The following MRTFB variants were observed in gnomAD, a reference collection of about 807,000 sequenced individuals.
MRTFB encodes myocardin-related transcription factor B.
Under a neutral mutation model 104.2 loss-of-function variants are expected in MRTFB, and 29 were observed. That is an observed-to-expected ratio of 0.28 (90% CI 0.21 to 0.38). The LOEUF is 0.38. Ranked by LOEUF, MRTFB falls within the 10% of genes least tolerant of loss-of-function variation. MRTFB has a pLI of 1.00. For synonymous variants in MRTFB, 535 were observed against 519.5 expected (o/e 1.03, Z -0.41); for missense variants, 1,270 against 1,341.6 (o/e 0.95, Z 0.83).
the MRTFB span, among the ~76,000 whole-genome samples, chr16:14,014,610 T>A: frequency 6.6e-6 from 1 of 151,680 alleles, no homozygotes. Flanking sequence ...TCTCAGCACT[T>A]TGGGAGGCCA....
At chr16:14,260,787 T>C (rs2043741636) in intron 16 of MRTFB, 122 bp from the exon 17 acceptor site, 2 of 795,268 alleles carry the variant, frequency 2.5e-6, no homozygotes, top group Admixed American at 2.8e-5. Context: ...CTCTTCCTAC[T>C]TCTAAGACGG....
At chr16:14,182,439 G>A (rs1373663619) in intron 3 of MRTFB, among the ~76,000 whole-genome samples, 1 of 152,184 alleles carries the variant, frequency 6.6e-6, no homozygotes, top group African/African-American at 2.4e-5. Flanking sequence ...AATGGAATTG[G>A]AGGCATTGGG....
intron 9 of MRTFB, among the ~76,000 whole-genome samples, chr16:14,238,144 G>A (rs2042603848): frequency 1.3e-5 from 2 of 152,164 alleles, no homozygotes; most frequent in South Asian, 4.1e-4. Flanking sequence ...GGGGGACGAG[G>A]TGGGTGGGTG....
chr16:14,166,952 A>G (rs1171924604), intron 3 of MRTFB, among the ~76,000 whole-genome samples: 1 of 152,132 alleles, frequency 6.6e-6, no homozygotes, highest in Non-Finnish European at 1.5e-5. Flanking sequence ...GCTATTGTGA[A>G]TAGTGCTGCA....
chr16:14,127,659 A>AT lies in MRTFB; in HGVS notation c.-63-12885_-63-12884insT, dbSNP rs1373592233. ...CTCTGTCTCAAAAAAAAAAAAAAAA[A>AT]ATAATGACGAAAATCCCCTCTAGCC... On this transcript the variant is annotated intron_variant, in intron 2 of 16. Coordinates refer to ENST00000571589, the MANE Select transcript of MRTFB (RefSeq NM_001308142.2). Among the ~76,000 whole-genome samples, 912 of 149,346 alleles carry AT rather than the reference A, an allele frequency of 6.1e-3. 12 individuals are homozygous for AT. Among genetic ancestry groups the AT allele is most frequent in the African/African-American group, 0.021 (846 of 40,448 alleles).
intron 2 of MRTFB, among the ~76,000 whole-genome samples, chr16:14,091,290 C>T (rs775321146): frequency 6.6e-5 from 10 of 152,134 alleles, no homozygotes; most frequent in African/African-American, 9.7e-5. Context: ...AGAAACCTCA[C>T]TCAAACTATC....
At chr16:14,226,513 C>T (rs2042009571) in intron 8 of MRTFB, among the ~76,000 whole-genome samples, 1 of 152,144 alleles carries the variant, frequency 6.6e-6, no homozygotes, top group Non-Finnish European at 1.5e-5. Flanking sequence ...CTTTACCTAA[C>T]ATCGTAGGCA....
intron 10 of MRTFB, among the ~76,000 whole-genome samples, chr16:14,241,922 G>A (rs1354168332): frequency 6.6e-6 from 1 of 150,902 alleles, no homozygotes; most frequent in Non-Finnish European, 1.5e-5. Flanking sequence ...CCAGGCCTTA[G>A]GGAGGCCTCC....
chr16:13,996,236 C>G, the MRTFB span, among the ~76,000 whole-genome samples: 1 of 151,846 alleles, frequency 6.6e-6, no homozygotes, highest in East Asian at 1.9e-4. Flanking sequence ...CGTGCCGTTG[C>G]ACTCCAGCCT....
At chr16:14,149,951 G>A (rs9932473) in intron 3 of MRTFB, among the ~76,000 whole-genome samples, 35,513 of 152,116 alleles carry the variant, frequency 0.23, 7,894 homozygotes, top group African/African-American at 0.57. Context: ...ATAATCTTAC[G>A]TATTCCTTCT....
intron 1 of MRTFB, among the ~76,000 whole-genome samples, chr16:14,075,673 A>G (rs906053450): frequency 1.3e-5 from 2 of 152,170 alleles, no homozygotes; most frequent in African/African-American, 4.8e-5. Context: ...TTCTCTTCTC[A>G]CCTTTTTCTG....
intron 1 of MRTFB, among the ~76,000 whole-genome samples, chr16:14,075,358 A>G (rs1374056597): frequency 6.6e-6 from 1 of 152,238 alleles, no homozygotes; most frequent in Non-Finnish European, 1.5e-5. Flanking sequence ...CGTCAGCAGC[A>G]TCCTGGAGCT....
At chr16:14,107,827 A>G (rs548635052) in intron 2 of MRTFB, among the ~76,000 whole-genome samples, 1 of 152,352 alleles carries the variant, frequency 6.6e-6, no homozygotes, top group South Asian at 2.1e-4. Context: ...AGTGTGAGGT[A>G]CACCAAGGAA....
At chr16:14,158,343 C>G (rs1432375111) in intron 3 of MRTFB, among the ~76,000 whole-genome samples, 1 of 152,126 alleles carries the variant, frequency 6.6e-6, no homozygotes, top group African/African-American at 2.4e-5. Context: ...TTAAATTCTG[C>G]CAGTAGTGAG....
At chr16:14,200,288 G>C in intron 3 of MRTFB, 1 of 1,584,462 alleles carries the variant, frequency 6.3e-7, no homozygotes, top group Admixed American at 1.7e-5. Context: ...TAGATTCTGA[G>C]TTCCGACCCG....
chr16:14,017,605 ATATATATATATAT>A, the MRTFB span, among the ~76,000 whole-genome samples: 1 of 3,508 alleles, frequency 2.9e-4, no homozygotes, highest in Non-Finnish European at 1.0e-3. Context: ...ATATATATAT[ATATATATATATAT>A]ATATATATAT....
the MRTFB span, among the ~76,000 whole-genome samples, chr16:14,000,766 C>A: frequency 6.6e-6 from 1 of 152,230 alleles, no homozygotes; most frequent in African/African-American, 2.4e-5. Flanking sequence ...CCCTTCCCAT[C>A]ACACAGTGTC....
the MRTFB span, among the ~76,000 whole-genome samples, chr16:14,023,877 C>A: frequency 0.022 from 3,417 of 152,060 alleles, 118 homozygotes; most frequent in African/African-American, 0.078. Flanking sequence ...AGGGTGAAAC[C>A]CTGTCTCTAC....
chr16:14,104,637 G>A (rs531044412), intron 2 of MRTFB, among the ~76,000 whole-genome samples: 2 of 152,294 alleles, frequency 1.3e-5, no homozygotes, highest in East Asian at 3.9e-4. Context: ...ACAAAAAAAT[G>A]AGAATTGTTT....
Sources: gnomAD v4.1 joint callset for allele counts (sites outside exome capture counted in the v4.1 genomes callset) on GRCh38, gnomAD v4.1.1 for gene constraint, MANE v1.5 for transcripts, NCBI Gene and HGNC (gene_info 2026-07-23, HGNC 2026-07-21) for gene names.